Variants in LATS2 observed in about 807,000 individuals in gnomAD.
LATS2 encodes large tumor suppressor kinase 2, also known as serine/threonine-protein kinase LATS2.
Under a neutral mutation model 76.0 loss-of-function variants are expected in LATS2, and 24 were observed. The ratio of observed to expected loss-of-function variants is 0.32; its 90% CI spans 0.23 to 0.44. The LOEUF (loss-of-function observed/expected upper bound fraction) is 0.44, where lower values mean the gene tolerates loss of function less well. Among genes scored for constraint, LATS2 ranks in the 20% least tolerant of loss-of-function variants. LATS2 has a pLI of 1.00. For synonymous variants in LATS2, 692 were observed against 635.4 expected (o/e 1.09, Z -1.34); for missense variants, 1,286 against 1,481.2 (o/e 0.87, Z 2.16).
At chr13:20,976,425 G>C (rs1385204983) in intron 7 of LATS2, among the ~76,000 whole-genome samples, 1 of 151,892 alleles carries the variant, frequency 6.6e-6, no homozygotes, top group Non-Finnish European at 1.5e-5. Flanking sequence ...AAAAGCACAG[G>C]GAATAAAAGA....
intron 2 of LATS2, among the ~76,000 whole-genome samples, chr13:20,999,057 C>A (rs1050155875): frequency 6.6e-6 from 1 of 152,252 alleles, no homozygotes; most frequent in African/African-American, 2.4e-5. Flanking sequence ...CAACCTTGTC[C>A]ACGCGAGGCA....
intron 2 of LATS2, among the ~76,000 whole-genome samples, chr13:21,020,062 C>T (rs891594891): frequency 7.9e-5 from 12 of 151,816 alleles, no homozygotes; most frequent in African/African-American, 2.9e-4. Flanking sequence ...ATGCAAATGG[C>T]TCCCCACTTT....
intron 1 of LATS2, among the ~76,000 whole-genome samples, chr13:21,047,746 A>G (rs915620323): frequency 6.6e-6 from 1 of 151,990 alleles, no homozygotes. Flanking sequence ...CAGCCTTACT[A>G]TGTGTCAGGT....
chr13:21,031,090 T>C (rs1872517026), intron 2 of LATS2, among the ~76,000 whole-genome samples: 1 of 152,242 alleles, frequency 6.6e-6, no homozygotes, highest in African/African-American at 2.4e-5. Flanking sequence ...TTATCTTTCT[T>C]CTGTATGTAA....
rs1463283301 is a variant in LATS2, at chr13:20,988,162, T to C, written c.1618A>G (p.Met540Val). 3 of 1,613,970 alleles carry C rather than the reference T, an allele frequency of 1.9e-6. No individual in the cohort carries two copies. Among genetic ancestry groups the C allele is most frequent in the Non-Finnish European group, 1.7e-6 (2 of 1,179,974 alleles). ...QYDLDSLCAG[M>V]EQSLRAGPNE... The stretch of plus-strand genomic sequence containing the variant: ...GGGCCCGCACGGAGGCTCTGCTCCA[T>C]GCCTGCGCACAGGCTGTCCAGGTCG... The change falls in exon 4 of 8, where the codon ATG becomes GTG. Residue 540 changes from methionine (M) to valine (V), a missense_variant. Met to Val is a conservative substitution (Grantham distance 21). Around this residue, in one of 5 missense-constraint regions of LATS2, gnomAD observed 710 missense variants for 660.9 expected, o/e 1.07. Coordinates refer to ENST00000382592, the MANE Select transcript of LATS2 (RefSeq NM_014572.3).
intron 2 of LATS2, among the ~76,000 whole-genome samples, chr13:20,997,041 G>T (rs929952564): frequency 2.0e-5 from 3 of 152,132 alleles, no homozygotes; most frequent in African/African-American, 7.2e-5. Flanking sequence ...AGCTTGGGGT[G>T]GTGGCCCTGG....
chr13:20,993,409 C>G (rs1195477521), intron 2 of LATS2, among the ~76,000 whole-genome samples: 9 of 152,182 alleles, frequency 5.9e-5, no homozygotes, highest in African/African-American at 2.2e-4. Context: ...CATATGCCAG[C>G]AGAATGGCAG....
chr13:20,980,279 C>G (rs1869812037), intron 6 of LATS2, among the ~76,000 whole-genome samples: 2 of 152,206 alleles, frequency 1.3e-5, no homozygotes, highest in South Asian at 4.1e-4. Flanking sequence ...GTAAGCCAAA[C>G]ACTCCTTGTG....
At chr13:21,060,942 C>T (rs1164399373) in intron 1 of LATS2, among the ~76,000 whole-genome samples, 5 of 151,388 alleles carry the variant, frequency 3.3e-5, no homozygotes, top group Admixed American at 6.6e-5. Context: ...GAGGCGCGCC[C>T]GGCGCTACGG....
At chr13:21,042,804 C>T (rs762821349) in intron 2 of LATS2, among the ~76,000 whole-genome samples, 2 of 151,180 alleles carry the variant, frequency 1.3e-5, no homozygotes, top group East Asian at 1.9e-4. Context: ...CTGGCTAACA[C>T]GAAACCCGTC....
At chr13:21,056,909 C>T (rs1190939965) in intron 1 of LATS2, among the ~76,000 whole-genome samples, 2 of 152,148 alleles carry the variant, frequency 1.3e-5, no homozygotes, top group African/African-American at 2.4e-5. Context: ...CCTGGAACTT[C>T]CAATGAAAAG....
chr13:21,026,078 C>A (rs1381156972), intron 2 of LATS2, among the ~76,000 whole-genome samples: 1 of 152,136 alleles, frequency 6.6e-6, no homozygotes, highest in Non-Finnish European at 1.5e-5. Context: ...AACACCAATC[C>A]CTGGAATACC....
intron 1 of LATS2, among the ~76,000 whole-genome samples, chr13:21,048,812 G>A (rs1316501974): frequency 6.6e-6 from 1 of 151,720 alleles, no homozygotes; most frequent in African/African-American, 2.4e-5. Flanking sequence ...ACTCCAGCCT[G>A]GGCAACAAGA....
At chr13:21,034,774 G>T (rs1158409472) in intron 2 of LATS2, among the ~76,000 whole-genome samples, 2 of 152,104 alleles carry the variant, frequency 1.3e-5, no homozygotes, top group Non-Finnish European at 2.9e-5. Flanking sequence ...GGATACAGAG[G>T]GGAGAAGAAT....
Position 20,983,162 on chromosome 13 carries a change from C to T in LATS2, c.2482+62G>A, listed in dbSNP as rs923783039. 1.5e-5 allele frequency: 17 copies of T among 1,153,748 alleles called. No homozygotes were observed. In the African/African-American group the frequency reaches 2.7e-4, roughly 18 times the overall value. The allele number at this position is 1,153,748 out of a possible 1,614,324, so 71.5% of individuals were successfully genotyped here. A position where few individuals can be genotyped will look rare whatever the true frequency, so the allele number is the denominator to read the frequency against. ...GCCACTAGGATGGGAAATTTAGTTGCTTGCAATGGGGTTAGTGACATCTAC... is the reference window on the plus strand; with the variant it reads ...GCCACTAGGATGGGAAATTTAGTTGTTTGCAATGGGGTTAGTGACATCTAC... On this transcript the variant is annotated intron_variant, in intron 5 of 7. Transcript: ENST00000382592.
chr13:21,030,583 C>CCGGA lies in LATS2; in HGVS notation c.342+15101_342+15102insTCCG, dbSNP rs370131826. On this transcript the variant is annotated intron_variant, in intron 2 of 7. Coordinates refer to ENST00000382592, the MANE Select transcript of LATS2 (RefSeq NM_014572.3). ...CAGCCTGGGCGACAAGAGTGAGAGA[C>CCGGA]TCCGTCTCAAAAAAAAAAAAAAAAA... Among the ~76,000 whole-genome samples, 27 of 113,772 alleles carry CCGGA rather than the reference C, an allele frequency of 2.4e-4. No homozygotes were observed. In the East Asian group the frequency reaches 6.4e-3, roughly 27 times the overall value. The allele number at this position is 113,772 out of a possible 152,430, so 74.6% of individuals were successfully genotyped here.
rs76325602 is a variant in LATS2 at position 20,999,562 on chromosome 13, C to T, written c.343-8158G>A. ...GGGCTCATTGCAGCCTGGCACTGCC[C>T]GGCTTAAGCAATCCTCCCATCTCAG... is the stretch of plus-strand genomic sequence containing the variant. On this transcript the variant is annotated intron_variant, in intron 2 of 7. Transcript: ENST00000382592. 1.1e-4 allele frequency among the ~76,000 whole-genome samples: 17 copies of T among 152,066 alleles called. No homozygotes were observed. The East Asian group carries it at 2.3e-3, about 21-fold the overall frequency.
At chr13:21,004,420 G>GA (rs1871179568) in intron 2 of LATS2, among the ~76,000 whole-genome samples, 1 of 144,082 alleles carries the variant, frequency 6.9e-6, no homozygotes, top group Non-Finnish European at 1.5e-5. Flanking sequence ...GGCAACAAGA[G>GA]CGAAACACTG....
chr13:20,988,340 AGCCGGGGCGGGGGCGGGGGCGGGG>A lies in LATS2; in HGVS notation c.1416_1439del (p.Pro473_Ala480del), dbSNP rs763816466. The A allele has an allele frequency of 7.2e-4, 658 of 907,698 alleles. 4 individuals are homozygous for A. The highest frequency in any genetic ancestry group is 4.0e-4 in the Non-Finnish European group (262 of 658,066). The allele number at this position is 907,698 out of a possible 1,614,324, so 56.2% of individuals were successfully genotyped here. A position where few individuals can be genotyped will look rare whatever the true frequency, so the allele number is the denominator to read the frequency against. On this transcript the variant is annotated inframe_deletion, in exon 4 of 8. Transcript: ENST00000382592. ...CCTCCTTGGCGTCCAAGCCCTCCGCAGCCGGGGCGGGGGCGGGGGCGGGGGCCGGGGCAGGCGCGGGCACCCAGG... is the reference window on the plus strand; with the variant it reads ...CCTCCTTGGCGTCCAAGCCCTCCGCAGCCGGGGCAGGCGCGGGCACCCAGG...
Sources: gnomAD v4.1 joint callset for allele counts (sites outside exome capture counted in the v4.1 genomes callset) on GRCh38, gnomAD v4.1.1 for gene constraint, gnomAD v4.1.1 regional missense constraint, MANE v1.5 for transcripts, NCBI Gene and HGNC (gene_info 2026-07-23, HGNC 2026-07-21) for gene names.